BRSK2: variants seen among roughly 807,000 people sequenced by gnomAD.
BRSK2 encodes serine/threonine-protein kinase BRSK2.
BRSK2 carries 19 observed loss-of-function variants against 83.3 expected under a neutral mutation model. That is an observed-to-expected ratio of 0.23 (90% confidence interval 0.16 to 0.33). The LOEUF (loss-of-function observed/expected upper bound fraction) is 0.33. Among genes scored for constraint, BRSK2 ranks in the 10% least tolerant of loss-of-function variants. The pLI is 1.00. For missense variants in BRSK2, 798 were observed against 1,042.3 expected, an observed-to-expected ratio of 0.77 and a Z score of 3.23; for synonymous variants, 519 against 435.4, an observed-to-expected ratio of 1.19 and a Z score of -2.39.
intron 1 of BRSK2, among the ~76,000 whole-genome samples, chr11:1,434,762 C>T (rs1850069113): frequency 6.6e-6 from 1 of 152,110 alleles, no homozygotes; most frequent in Non-Finnish European, 1.5e-5. Context: ...GGATTGGGGT[C>T]CCCTGTGATA....
At chr11:1,457,235 C>A (rs1488174351) in intron 18 of BRSK2, among the ~76,000 whole-genome samples, 1 of 152,186 alleles carries the variant, frequency 6.6e-6, no homozygotes. Flanking sequence ...AGTGACAAGG[C>A]CCTGCCCTCG....
chr11:1,451,445 C>G (rs747105884), intron 15 of BRSK2, 26 bp downstream of exon 15: 9 of 1,610,590 alleles, frequency 5.6e-6, no homozygotes, highest in Non-Finnish European at 7.6e-6. Flanking sequence ...TGGAGGCCTC[C>G]TGGTACCTGA....
chr11:1,395,935 C>T (rs1257536035), intron 1 of BRSK2, among the ~76,000 whole-genome samples: 1 of 152,204 alleles, frequency 6.6e-6, no homozygotes, highest in Non-Finnish European at 1.5e-5. Flanking sequence ...AGGGCCTGGG[C>T]TGTGATGTGA....
chr11:1,422,315 C>T (rs972105426), intron 1 of BRSK2, among the ~76,000 whole-genome samples: 1 of 152,152 alleles, frequency 6.6e-6, no homozygotes, highest in African/African-American at 2.4e-5. Flanking sequence ...GCCTGCCCTC[C>T]TCCAGCCGCT....
intron 16 of BRSK2, among the ~76,000 whole-genome samples, chr11:1,455,883 G>C (rs1846462291): frequency 6.6e-6 from 1 of 151,952 alleles, no homozygotes. Flanking sequence ...AGCACCATAG[G>C]TCCCGCAACC....
chr11:1,457,058 C>T (rs770081199), intron 18 of BRSK2: 2 of 1,569,808 alleles, frequency 1.3e-6, no homozygotes, highest in Admixed American at 1.8e-5. Flanking sequence ...AGGTAAGGCG[C>T]CCGGCCTGTG....
At chr11:1,428,787 G>C (rs1158762822) in intron 1 of BRSK2, among the ~76,000 whole-genome samples, 5 of 152,112 alleles carry the variant, frequency 3.3e-5, no homozygotes, top group African/African-American at 1.2e-4. Context: ...CTGCGGGTGT[G>C]TGTGCATGTG....
In BRSK2 at chr11:1,428,635, C is replaced by A. The variant is rs146956832; in HGVS notation, c.92-7405C>A. Among the ~76,000 whole-genome samples the A allele has an allele frequency of 8.7e-3, 1,331 of 152,318 alleles. 7 individuals carry two copies. Among genetic ancestry groups the A allele is most frequent in the Middle Eastern group, 0.027 (8 of 294 alleles). On this transcript the variant is annotated intron_variant, in intron 1 of 19. Transcript: ENST00000528841. ...GTCAGGCTCCCTCCCATTTTCAGTC[C>A]CCACTTTCTTTCCTTTTCTGGAGGC...
intron 1 of BRSK2, among the ~76,000 whole-genome samples, chr11:1,404,802 G>A (rs1485679976): frequency 4.6e-5 from 7 of 152,210 alleles, no homozygotes; most frequent in Non-Finnish European, 1.0e-4. Context: ...CCGCGCCCTG[G>A]AGATTACTGC....
intron 1 of BRSK2, among the ~76,000 whole-genome samples, chr11:1,416,341 T>G (rs1227117975): frequency 6.6e-6 from 1 of 152,188 alleles, no homozygotes; most frequent in Non-Finnish European, 1.5e-5. Context: ...TTCTATTTCC[T>G]GGGTGTCACG....
At chr11:1,449,965 C>G in intron 13 of BRSK2, 129 bp downstream of exon 13, 1 of 639,090 alleles carries the variant, frequency 1.6e-6, no homozygotes, top group Non-Finnish European at 2.8e-6. Context: ...CATGCCCACG[C>G]TCCTGTGGCG....
At chr11:1,418,621 A>G (rs1048130661) in intron 1 of BRSK2, among the ~76,000 whole-genome samples, 1 of 146,668 alleles carries the variant, frequency 6.8e-6, no homozygotes. Context: ...AGTGGGTCAC[A>G]CTGTGTCCTG....
At chr11:1,414,236 C>T (rs1847860129) in intron 1 of BRSK2, among the ~76,000 whole-genome samples, 2 of 152,320 alleles carry the variant, frequency 1.3e-5, no homozygotes, top group African/African-American at 2.4e-5. Flanking sequence ...AATAGAATCT[C>T]CAGAGGCCGG....
At chr11:1,447,750 C>G (rs774960543) in intron 12 of BRSK2, 150 of 1,561,172 alleles carry the variant, frequency 9.6e-5, no homozygotes, top group Non-Finnish European at 1.1e-4. Context: ...GACCTGTGCC[C>G]GCGTGTGGCC....
intron 1 of BRSK2, among the ~76,000 whole-genome samples, chr11:1,425,938 G>A (rs1056538271): frequency 1.3e-5 from 2 of 152,186 alleles, no homozygotes; most frequent in Non-Finnish European, 2.9e-5. Flanking sequence ...TCTGGAGAGC[G>A]GATTTGCGGC....
At chr11:1,459,351 T>TGTAGGCACCC in intron 19 of BRSK2, 112 bp downstream of exon 19, 1 of 1,232,028 alleles carries the variant, frequency 8.1e-7, no homozygotes, top group South Asian at 1.2e-5. Flanking sequence ...CCTGTGTAGA[T>TGTAGGCACCC]GTAGGCACCC....
At position 1,460,740 on chromosome 11, in the gene BRSK2, C is replaced by CCG. The variant is rs1554922263; in HGVS notation, c.*18_*19insGC. On this transcript the variant is annotated 3_prime_UTR_variant, in exon 20 of 20. Transcript: ENST00000528841. ...CAGCCTTAGACACACTAGCCCCCCC[C>CCG]CCCAGCACAGCACTGACAGCGGCTG... 6.3e-5 allele frequency: 89 copies of CCG among 1,415,724 alleles called. 1 individual carries two copies. Among genetic ancestry groups the CCG allele is most frequent in the Non-Finnish European group, 8.0e-5 (86 of 1,079,772 alleles). 87.7% of individuals were successfully genotyped at this position (1,415,724 alleles called of 1,614,324 possible). A position where few individuals can be genotyped will look rare whatever the true frequency, so the allele number is the denominator to read the frequency against.
At chr11:1,436,246 G>T in intron 2 of BRSK2, 112 bp downstream of exon 2, 2 of 315,728 alleles carry the variant, frequency 6.3e-6, no homozygotes, top group South Asian at 3.1e-5. Flanking sequence ...GGGTGGGGGG[G>T]CGGGCCCTGC....
intron 12 of BRSK2, among the ~76,000 whole-genome samples, chr11:1,446,301 A>AGCTGGGCTAG (rs1852108879): frequency 7.4e-6 from 1 of 134,782 alleles, no homozygotes; most frequent in Non-Finnish European, 1.6e-5. Context: ...AGCTGGGCTG[A>AGCTGGGCTAG]GCTGGGCTAG....
Sources: allele counts gnomAD v4.1 joint callset (sites outside exome capture counted in the v4.1 genomes callset), GRCh38; gene constraint gnomAD v4.1.1; transcripts MANE v1.5; gene names NCBI Gene and HGNC (gene_info 2026-07-23, HGNC 2026-07-21).